Variants in MTF2 observed in about 807,000 individuals in gnomAD.
MTF2 encodes metal response element binding transcription factor 2, also known as metal-response element-binding transcription factor 2.
In MTF2, 11 loss-of-function variants were observed where a neutral mutation model predicts 79.5. The observed-to-expected ratio is 0.14, with a 90% CI of 0.09 to 0.23. The LOEUF is 0.23. Ranked by LOEUF, MTF2 falls within the 10% of genes least tolerant of loss-of-function variation. The probability of loss-of-function intolerance (pLI) is 1.00; values close to 1 mark genes in which losing one functional copy is unlikely to be tolerated. For missense variants in MTF2, 486 were observed against 711.2 expected (o/e 0.68, Z 3.60); for synonymous variants, 208 against 232.8 (o/e 0.89, Z 0.97).
At position 93,136,800 on chromosome 1, in the gene MTF2, G is replaced by A; in HGVS notation, c.1555G>A (p.Asp519Asn). Residue 519 changes from aspartate (D) to asparagine (N), a missense_variant, in exon 15 of 15, where the codon GAT becomes AAT. Physicochemically the swap from Asp to Asn is conservative, Grantham distance 23. This residue lies in a region of MTF2 where 209 missense variants were observed against 206.5 expected (regional missense o/e 1.01). Transcript: ENST00000370298. ...TCAGAACTCAGAAATTGTAAAAGAT[G>A]ATGAAGGCAAAGAAGATTATCAGTT... ...QTQNSEIVKD[D>N]EGKEDYQFDE... 1 of 1,614,190 alleles carries A rather than the reference G, an allele frequency of 6.2e-7. No homozygotes were observed. The highest frequency in any genetic ancestry group is 8.5e-7 in the Non-Finnish European group (1 of 1,180,032).
At chr1:93,087,103 T>C (rs765943045) in intron 1 of MTF2, among the ~76,000 whole-genome samples, 1 of 152,226 alleles carries the variant, frequency 6.6e-6, no homozygotes, top group Admixed American at 6.5e-5. Flanking sequence ...GTGGAATTTT[T>C]CATGTGTGGT....
At chr1:93,084,080 T>A (rs1260693400) in intron 1 of MTF2, among the ~76,000 whole-genome samples, 1 of 152,112 alleles carries the variant, frequency 6.6e-6, no homozygotes, top group Non-Finnish European at 1.5e-5. Context: ...TTTTTTTGCT[T>A]ATGCTTTTGA....
chr1:93,138,437 G>A lies in MTF2; in HGVS notation c.*1410G>A, dbSNP rs1379268044. ...ATGTAAAGTGTAGTGATTACAGAGTGGTTAAAATGTGGGTTAGTACTTATT... is the reference window on the plus strand; with the variant it reads ...ATGTAAAGTGTAGTGATTACAGAGTAGTTAAAATGTGGGTTAGTACTTATT... On this transcript the variant is annotated 3_prime_UTR_variant, in exon 15 of 15. Coordinates refer to ENST00000370298, the MANE Select transcript of MTF2 (RefSeq NM_007358.4). The A allele has an allele frequency of 6.6e-6, 1 of 152,134 alleles. No homozygotes were observed. 9.4% of individuals were successfully genotyped at this position (152,134 alleles called of 1,614,324 possible). A position where few individuals can be genotyped will look rare whatever the true frequency, so the allele number is the denominator to read the frequency against.
intron 1 of MTF2, among the ~76,000 whole-genome samples, chr1:93,089,867 C>A (rs1235999728): frequency 3.5e-5 from 5 of 143,168 alleles, no homozygotes; most frequent in African/African-American, 1.3e-4. Flanking sequence ...TTTTTTGAGA[C>A]AGAGTCTCAC....
At chr1:93,085,441 T>C (rs1208859823) in intron 1 of MTF2, among the ~76,000 whole-genome samples, 1 of 150,584 alleles carries the variant, frequency 6.6e-6, no homozygotes, top group Non-Finnish European at 1.5e-5. Context: ...CTTCCCAAAG[T>C]GCTGGGATTA....
chr1:93,132,477 A>G (rs149027420), intron 11 of MTF2, among the ~76,000 whole-genome samples: 63 of 152,332 alleles, frequency 4.1e-4, no homozygotes, highest in African/African-American at 1.4e-3. Flanking sequence ...AGGCATCCTC[A>G]GTTCCTTCTG....
chr1:93,103,936 C>T (rs1211471353), intron 1 of MTF2, among the ~76,000 whole-genome samples: 1 of 152,018 alleles, frequency 6.6e-6, no homozygotes, highest in East Asian at 1.9e-4. Context: ...ACTGCTTTTA[C>T]ACGTTATTTA....
At chr1:93,107,266 C>T (rs1345580210) in intron 1 of MTF2, among the ~76,000 whole-genome samples, 1 of 152,164 alleles carries the variant, frequency 6.6e-6, no homozygotes, top group Non-Finnish European at 1.5e-5. Flanking sequence ...GCTCTGTTGC[C>T]TAGGCTGGAG....
chr1:93,127,668 C>T (rs552666164), intron 10 of MTF2, among the ~76,000 whole-genome samples: 6 of 152,142 alleles, frequency 3.9e-5, no homozygotes, highest in East Asian at 3.9e-4. Flanking sequence ...GTAGGGAATA[C>T]GGGTTTTTAA....
intron 6 of MTF2, 147 bp downstream of exon 6, chr1:93,115,765 A>G (rs1431902673): frequency 2.9e-5 from 16 of 556,808 alleles, no homozygotes; most frequent in Non-Finnish European, 4.2e-5. Context: ...TTATTTTCAT[A>G]AAAAAATAAT....
chr1:93,130,554 G>A (rs868556982), intron 11 of MTF2, among the ~76,000 whole-genome samples: 29 of 152,036 alleles, frequency 1.9e-4, no homozygotes, highest in African/African-American at 6.5e-4. Flanking sequence ...TCCAGCCTGG[G>A]CAACAGAGCG....
Position 93,134,176 on chromosome 1 carries a change from A to G in MTF2, c.1405A>G (p.Ser469Gly), listed in dbSNP as rs920530055. ...ASSAKETTSS[S>G]ISRHYGLSDS... is the part of the protein sequence containing the mutation. ...CAGTGCAAAAGAAACTACCTCGTCT[A>G]GCATTTCCAGGCATTATGGGTAGAT... The change falls in exon 14 of 15, where the codon AGC becomes GGC. Residue 469 changes from serine (S) to glycine (G), a missense_variant. Ser to Gly is a moderately conservative substitution (Grantham distance 56). Coordinates refer to ENST00000370298, the MANE Select transcript of MTF2 (RefSeq NM_007358.4). 1.2e-6 allele frequency: 2 copies of G among 1,609,580 alleles called. No homozygotes were observed. The highest frequency in any genetic ancestry group is 1.7e-6 in the Non-Finnish European group (2 of 1,176,432).
chr1:93,080,072 T>C (rs1212718139), intron 1 of MTF2, among the ~76,000 whole-genome samples: 2 of 151,754 alleles, frequency 1.3e-5, no homozygotes, highest in African/African-American at 2.4e-5. Context: ...GGGAACACAC[T>C]GAAGTGGAGG....
At chr1:93,099,442 A>T (rs1338216749) in intron 1 of MTF2, among the ~76,000 whole-genome samples, 8 of 152,244 alleles carry the variant, frequency 5.3e-5, no homozygotes, top group Non-Finnish European at 1.2e-4. Context: ...TTTCTGAGGA[A>T]AAAATGGTAA....
In MTF2 at chr1:93,124,083, C is replaced by T. The variant is rs2815428; in HGVS notation, c.922-3149C>T. 7.0e-3 allele frequency among the ~76,000 whole-genome samples: 1,056 copies of T among 151,876 alleles called. 13 individuals carry two copies. The highest frequency in any genetic ancestry group is 0.027 in the Middle Eastern group (8 of 294). ...ATCATATTTTTTTCTTAGTTGAATA[C>T]GGTATAGGATTGTTATGAAGAGAAG... On this transcript the variant is annotated intron_variant, in intron 9 of 14. Transcript: ENST00000370298.
intron 1 of MTF2, among the ~76,000 whole-genome samples, chr1:93,101,527 A>C (rs1655532275): frequency 8.4e-6 from 1 of 119,312 alleles, no homozygotes; most frequent in Non-Finnish European, 1.7e-5. Flanking sequence ...TTTTTTAAAA[A>C]TTTTCTGTAG....
At chr1:93,132,948 G>T (rs1007909223) in intron 11 of MTF2, among the ~76,000 whole-genome samples, 12 of 151,978 alleles carry the variant, frequency 7.9e-5, no homozygotes, top group South Asian at 2.1e-4. Context: ...GGTAGCTATT[G>T]CTGAGTAAAT....
chr1:93,088,975 T>C (rs961585662), intron 1 of MTF2, among the ~76,000 whole-genome samples: 1 of 152,196 alleles, frequency 6.6e-6, no homozygotes, highest in Non-Finnish European at 1.5e-5. Flanking sequence ...AACACAAACA[T>C]ACAAAGATGT....
intron 4 of MTF2, 101 bp downstream of exon 4, chr1:93,114,884 T>C: frequency 6.7e-6 from 8 of 1,190,734 alleles, no homozygotes; most frequent in Non-Finnish European, 9.5e-6. Flanking sequence ...TTATCCTTTT[T>C]ATTAATTATA....
Sources: gnomAD v4.1 joint callset for allele counts (sites outside exome capture counted in the v4.1 genomes callset) on GRCh38, gnomAD v4.1.1 for gene constraint, gnomAD v4.1.1 regional missense constraint, MANE v1.5 for transcripts, NCBI Gene and HGNC (gene_info 2026-07-23, HGNC 2026-07-21) for gene names.